AGTPBP1: variants seen among roughly 807,000 people sequenced by gnomAD.
The protein encoded by AGTPBP1 is cytosolic carboxypeptidase 1.
AGTPBP1 carries 70 observed loss-of-function variants against 143.9 expected under a neutral mutation model. That is an observed-to-expected ratio of 0.49 (90% CI 0.40 to 0.59). The LOEUF is 0.59. AGTPBP1 is among the 20% of genes least tolerant of loss of function. AGTPBP1 has a pLI of 0.00. For synonymous variants in AGTPBP1, 463 were observed against 500.2 expected (o/e 0.93, Z 0.99); for missense variants, 1,229 against 1,464.5 (o/e 0.84, Z 2.62).
the AGTPBP1 span, among the ~76,000 whole-genome samples, chr9:85,763,629 A>G: frequency 6.6e-6 from 1 of 151,904 alleles, no homozygotes; most frequent in South Asian, 2.1e-4. Flanking sequence ...GGGAGAATGG[A>G]GGAGGATGGG....
chr9:85,602,028 G>C (rs1340129629), intron 17 of AGTPBP1, among the ~76,000 whole-genome samples: 2 of 152,050 alleles, frequency 1.3e-5, no homozygotes, highest in Non-Finnish European at 2.9e-5. Context: ...TAAAAAAATT[G>C]GAAGATGCGA....
intron 25 of AGTPBP1, among the ~76,000 whole-genome samples, chr9:85,563,952 C>A (rs1259206812): frequency 6.6e-6 from 1 of 152,250 alleles, no homozygotes; most frequent in Non-Finnish European, 1.5e-5. Flanking sequence ...TTGGCAGCAT[C>A]CATGTGTGCT....
intron 18 of AGTPBP1, among the ~76,000 whole-genome samples, chr9:85,594,602 A>T (rs1172807435): frequency 3.3e-5 from 5 of 152,278 alleles, no homozygotes; most frequent in Middle Eastern, 3.4e-3. Context: ...AAAAAAAATT[A>T]AAATTTAAAT....
intron 17 of AGTPBP1, among the ~76,000 whole-genome samples, chr9:85,599,627 A>G (rs536348861): frequency 1.1e-4 from 16 of 152,312 alleles, no homozygotes; most frequent in Non-Finnish European, 1.8e-4. Context: ...ATAAGTTCCA[A>G]TACTTCTATC....
chr9:85,677,702 T>C, intron 5 of AGTPBP1, 120 bp from the exon 6 acceptor site: 1 of 848,046 alleles, frequency 1.2e-6, no homozygotes, highest in Non-Finnish European at 1.7e-6. Context: ...ACTGATGACC[T>C]CTAAAATCAA....
At chr9:85,786,033 T>G in the AGTPBP1 span, 1 of 1,141,656 alleles carries the variant, frequency 8.8e-7, no homozygotes, top group African/African-American at 1.6e-5. Context: ...TATGTTAAGA[T>G]GTTTTGATTA....
chr9:85,657,413 T>C, intron 10 of AGTPBP1, 22 bp downstream of exon 10: 1 of 1,577,282 alleles, frequency 6.3e-7, no homozygotes. Flanking sequence ...ATAATCACAA[T>C]AATAAGAAGA....
At chr9:85,571,411 G>A (rs1827453131) in intron 25 of AGTPBP1, among the ~76,000 whole-genome samples, 2 of 152,162 alleles carry the variant, frequency 1.3e-5, no homozygotes, top group African/African-American at 4.8e-5. Context: ...GGCCAAATCA[G>A]GAAAATTTTG....
chr9:85,652,171 C>T (rs1259497181), intron 11 of AGTPBP1, among the ~76,000 whole-genome samples: 1 of 152,084 alleles, frequency 6.6e-6, no homozygotes, highest in Non-Finnish European at 1.5e-5. Context: ...AGCAATCACA[C>T]CTACATAATG....
intron 17 of AGTPBP1, among the ~76,000 whole-genome samples, chr9:85,613,219 G>A (rs778219243): frequency 6.6e-6 from 1 of 151,460 alleles, no homozygotes; most frequent in African/African-American, 2.4e-5. Context: ...TTGTAATCAA[G>A]AGAAAATTTG....
intron 14 of AGTPBP1, among the ~76,000 whole-genome samples, chr9:85,629,768 C>T (rs1349087118): frequency 6.6e-6 from 1 of 152,142 alleles, no homozygotes; most frequent in Non-Finnish European, 1.5e-5. Flanking sequence ...TGCTCAGAAG[C>T]ACTGCTTGGG....
At position 85,673,012 on chromosome 9, in the gene AGTPBP1, C is replaced by T. The variant is rs1308124331; in HGVS notation, c.437-331G>A. Reference sequence around the variant, plus strand: ...GGCCTCCCAAAGTGCTGAGATTACACGTGTGAGTCACTGTGCCTGGCCCAC... The same window carrying T: ...GGCCTCCCAAAGTGCTGAGATTACATGTGTGAGTCACTGTGCCTGGCCCAC... On this transcript the variant is annotated intron_variant, in intron 6 of 25. Coordinates refer to ENST00000357081, the MANE Select transcript of AGTPBP1 (RefSeq NM_001330701.2). Among the ~76,000 whole-genome samples, 4 of 152,046 alleles carry T rather than the reference C, an allele frequency of 2.6e-5. No homozygotes were observed. In the South Asian group the frequency reaches 6.2e-4, roughly 24 times the overall value.
intron 1 of AGTPBP1, among the ~76,000 whole-genome samples, chr9:85,732,994 G>GT (rs1838989527): frequency 6.6e-6 from 1 of 151,912 alleles, no homozygotes; most frequent in Non-Finnish European, 1.5e-5. Flanking sequence ...AAAATACGAG[G>GT]TAAAAATTAA....
chr9:85,741,114 G>C (rs747437867), intron 1 of AGTPBP1, among the ~76,000 whole-genome samples: 34 of 152,334 alleles, frequency 2.2e-4, no homozygotes, highest in Admixed American at 3.9e-4. Context: ...CAGGAAGGAA[G>C]ACACTAAGGA....
At chr9:85,676,053 G>A (rs1451720456) in intron 6 of AGTPBP1, among the ~76,000 whole-genome samples, 2 of 151,986 alleles carry the variant, frequency 1.3e-5, no homozygotes, top group African/African-American at 2.4e-5. Flanking sequence ...TCATTACTAA[G>A]TCTAAGAAAA....
chr9:85,596,358 T>C lies in AGTPBP1; in HGVS notation c.2423+4A>G, dbSNP rs1468511914. ...CATTCTATTAATATTCTTAAAATACTTACTTATAGTAACAAATGTCAGTCC... is the reference window on the plus strand; with the variant it reads ...CATTCTATTAATATTCTTAAAATACCTACTTATAGTAACAAATGTCAGTCC... On this transcript the variant is annotated splice_donor_region_variant and intron_variant, in intron 18 of 25. Coordinates refer to ENST00000357081, the MANE Select transcript of AGTPBP1 (RefSeq NM_001330701.2). 1.3e-6 allele frequency: 2 copies of C among 1,585,018 alleles called. No individual in the cohort carries two copies. The highest frequency in any genetic ancestry group is 2.7e-5 in the African/African-American group (2 of 74,048).
Position 85,678,356 on chromosome 9 carries a change from G to C in AGTPBP1, c.268C>G (p.Leu90Val). 1 of 1,595,304 alleles carries C rather than the reference G, an allele frequency of 6.3e-7. No individual in the cohort carries two copies. Among genetic ancestry groups the C allele is most frequent in the East Asian group, 2.2e-5 (1 of 44,482 alleles). The change falls in exon 5 of 26, where the codon CTT (leucine) becomes GTT (valine). Residue 90 changes from leucine to valine, a missense_variant. By Grantham distance (32) the Leu-to-Val change is conservative. Transcript: ENST00000357081. ...LQTTLNILSI[L>V]VELVSAGGGR... is the part of the protein sequence containing the mutation. ...TTACCAGCTGACACCAGCTCAACAA[G>C]AATGCTTAAGATATTAAGTGTAGTT...
chr9:85,787,416 G>A, the AGTPBP1 span, among the ~76,000 whole-genome samples: 1 of 152,138 alleles, frequency 6.6e-6, no homozygotes, highest in African/African-American at 2.4e-5. Context: ...AAAGCTTGAA[G>A]TCTTGCTAAA....
chr9:85,682,045 A>G (rs1364946706), intron 3 of AGTPBP1, among the ~76,000 whole-genome samples: 5 of 151,520 alleles, frequency 3.3e-5, no homozygotes, highest in Non-Finnish European at 7.4e-5. Context: ...ACCATGCCCG[A>G]CCTGTATTAA....
Sources: gnomAD v4.1 joint callset for allele counts (sites outside exome capture counted in the v4.1 genomes callset) on GRCh38, gnomAD v4.1.1 for gene constraint, MANE v1.5 for transcripts, NCBI Gene and HGNC (gene_info 2026-07-23, HGNC 2026-07-21) for gene names.